The following KCNQ4 variants were observed in gnomAD, a reference collection of about 807,000 sequenced individuals.
KCNQ4 encodes potassium voltage-gated channel subfamily Q member 4.
KCNQ4 carries 31 observed loss-of-function variants against 72.6 expected under a neutral mutation model. The observed-to-expected ratio is 0.43, with a 90% CI of 0.32 to 0.58. The LOEUF (loss-of-function observed/expected upper bound fraction) is 0.58. Ranked by LOEUF, KCNQ4 falls within the 20% of genes least tolerant of loss-of-function variation. The pLI, the probability that KCNQ4 is intolerant of heterozygous loss-of-function variation, is 0.08. For missense variants in KCNQ4, 869 were observed against 962.6 expected (o/e 0.90, Z 1.29); for synonymous variants, 405 against 403.7 (o/e 1.00, Z -0.04).
intron 3 of KCNQ4, 80 bp from the exon 4 acceptor site, chr1:40,818,425 G>T: frequency 6.4e-7 from 1 of 1,555,744 alleles, no homozygotes; most frequent in East Asian, 2.2e-5. Flanking sequence ...CCAGTCCCCT[G>T]CCACATCCCC....
intron 8 of KCNQ4, among the ~76,000 whole-genome samples, chr1:40,823,247 G>A (rs1648363242): frequency 1.3e-5 from 2 of 152,218 alleles, no homozygotes; most frequent in African/African-American, 4.8e-5. Context: ...AGAAGGGGCC[G>A]GGAAGAGGGG....
chr1:40,818,062 C>A (rs900543684), intron 2 of KCNQ4, 102 bp from the exon 3 acceptor site: 4 of 1,501,958 alleles, frequency 2.7e-6, no homozygotes, highest in African/African-American at 2.8e-5. Context: ...TCCGAGGAGG[C>A]CCTGGTCCCC....
Position 40,813,100 on chromosome 1 carries a change from AGT to A in KCNQ4, c.315-4163_315-4162del, listed in dbSNP as rs535896183. ...CAGGACTGGCAAGGAGGCCAGAATA[AGT>A]GGGGTGCAGTGAGCCAGCAGGAGAG... On this transcript the variant is annotated intron_variant, in intron 1 of 13. Transcript: ENST00000347132. Among the ~76,000 whole-genome samples the A allele has an allele frequency of 1.2e-4, 18 of 152,328 alleles. No homozygotes were observed. The South Asian group carries it at 3.1e-3, about 26-fold the overall frequency.
At chr1:40,803,567 A>G (rs6675976) in intron 1 of KCNQ4, among the ~76,000 whole-genome samples, 70,384 of 152,076 alleles carry the variant, frequency 0.46, 17,413 homozygotes, top group African/African-American at 0.65. Context: ...GTATCTGCAG[A>G]TGTCCTCCCA....
At position 40,812,297 on chromosome 1, in the gene KCNQ4, C is replaced by A. The variant is rs1362795075; in HGVS notation, c.315-4968C>A. Among the ~76,000 whole-genome samples the A allele has an allele frequency of 2.0e-5, 3 of 152,160 alleles. No homozygotes were observed. The East Asian group carries it at 5.8e-4, about 29-fold the overall frequency. On this transcript the variant is annotated intron_variant, in intron 1 of 13. Coordinates refer to ENST00000347132, the MANE Select transcript of KCNQ4 (RefSeq NM_004700.4). The stretch of plus-strand genomic sequence containing the variant: ...TGAGATACAGAGTCTGGCTCTGTCC[C>A]CCAAGCTAGAATGCAGTGGCGAGAT...
At chr1:40,813,234 G>A (rs1244562710) in intron 1 of KCNQ4, among the ~76,000 whole-genome samples, 2 of 152,200 alleles carry the variant, frequency 1.3e-5, no homozygotes, top group African/African-American at 4.8e-5. Flanking sequence ...ATGGAAGTCC[G>A]ACGAGAGTTT....
intron 1 of KCNQ4, among the ~76,000 whole-genome samples, chr1:40,800,743 G>C (rs995785354): frequency 6.6e-6 from 1 of 152,202 alleles, no homozygotes; most frequent in Non-Finnish European, 1.5e-5. Flanking sequence ...TGCCCTAGAG[G>C]GATGGATCTC....
intron 1 of KCNQ4, among the ~76,000 whole-genome samples, chr1:40,811,828 T>C (rs764615950): frequency 1.3e-5 from 2 of 152,206 alleles, no homozygotes; most frequent in Non-Finnish European, 2.9e-5. Context: ...AAGTGGCCGC[T>C]AGTCTGGCCT....
Position 40,831,225 on chromosome 1 carries a change from G to T in KCNQ4, c.1434G>T (p.Lys478Asn). Reference sequence around the variant, plus strand: ...TGGGTGAGGCCACCAGCCCCACCAAGGTGCAAAAGAGCTGGAGCTTCAATG... The same window carrying T: ...TGGGTGAGGCCACCAGCCCCACCAATGTGCAAAAGAGCTGGAGCTTCAATG... ...EQVGEATSPT[K>N]VQKSWSFNDR... Residue 478 changes from lysine to asparagine, a missense_variant, in exon 10 of 14, where the codon AAG becomes AAT. By Grantham distance (94) the Lys-to-Asn change is moderately conservative (BLOSUM62 0). Around this residue, in one of 5 missense-constraint regions of KCNQ4, gnomAD observed 480 missense variants for 501.9 expected, o/e 0.96. Transcript: ENST00000347132. The T allele has an allele frequency of 6.2e-7, 1 of 1,609,804 alleles. No individual in the cohort carries two copies. The highest frequency in any genetic ancestry group is 1.3e-5 in the African/African-American group (1 of 74,982).
intron 11 of KCNQ4, among the ~76,000 whole-genome samples, chr1:40,834,759 C>T (rs934716828): frequency 8.6e-5 from 13 of 151,900 alleles, no homozygotes; most frequent in African/African-American, 1.5e-4. Context: ...TCCTCCACCC[C>T]GGCTGGTTGA....
rs1002376156 is a variant in KCNQ4 at position 40,784,948 on chromosome 1, C to T, written c.314+541C>T. Reference sequence around the variant, plus strand: ...TGGGTGTGTGGGGGTCCCTGTGGGCCCCCTGGGCCCTGACACTCGCATATG... The same window carrying T: ...TGGGTGTGTGGGGGTCCCTGTGGGCTCCCTGGGCCCTGACACTCGCATATG... On this transcript the variant is annotated intron_variant, in intron 1 of 13. Transcript: ENST00000347132. The surrounding 1 kb of genome is among the most constrained non-coding windows in gnomAD (Gnocchi z 4.1). 6.6e-6 allele frequency among the ~76,000 whole-genome samples: 1 copy of T among 152,210 alleles called. No homozygotes were observed. Among genetic ancestry groups the T allele is most frequent in the Non-Finnish European group, 1.5e-5 (1 of 68,038 alleles).
intron 1 of KCNQ4, among the ~76,000 whole-genome samples, chr1:40,797,669 A>G (rs1408182131): frequency 6.6e-6 from 1 of 152,110 alleles, no homozygotes; most frequent in Non-Finnish European, 1.5e-5. Flanking sequence ...TGGGGATGCT[A>G]CCAACTTGTC....
chr1:40,832,946 C>T (rs1648694164), intron 10 of KCNQ4, 68 bp from the exon 11 acceptor site: 2 of 1,152,264 alleles, frequency 1.7e-6, no homozygotes, highest in Non-Finnish European at 2.6e-6. Context: ...GTTTGGCATA[C>T]AAGGGTCGGA....
At chr1:40,815,117 G>A (rs1648044035) in intron 1 of KCNQ4, among the ~76,000 whole-genome samples, 1 of 151,862 alleles carries the variant, frequency 6.6e-6, no homozygotes. Context: ...GCATGTGCCT[G>A]TAGCCCCAGC....
chr1:40,814,277 C>T lies in KCNQ4; in HGVS notation c.315-2988C>T, dbSNP rs145040275. Among the ~76,000 whole-genome samples, 1,158 of 149,596 alleles carry T rather than the reference C, an allele frequency of 7.7e-3. 24 individuals carry two copies. Among genetic ancestry groups the T allele is most frequent in the African/African-American group, 0.026 (1,038 of 40,514 alleles). On this transcript the variant is annotated intron_variant, in intron 1 of 13. Coordinates refer to ENST00000347132, the MANE Select transcript of KCNQ4 (RefSeq NM_004700.4). ...CGATGTTGGCCAGGCTGGTCTGTAA[C>T]TCCTGACCTCAGGCTATCCACCCAC...
At position 40,823,939 on chromosome 1, in the gene KCNQ4, C is replaced by A. The variant is rs187188886; in HGVS notation, c.1131-158C>A. 2.1e-3 allele frequency among the ~76,000 whole-genome samples: 316 copies of A among 152,362 alleles called. 1 individual carries two copies. The highest frequency in any genetic ancestry group is 7.3e-3 in the African/African-American group (304 of 41,586). On this transcript the variant is annotated intron_variant, in intron 8 of 13. Coordinates refer to ENST00000347132, the MANE Select transcript of KCNQ4 (RefSeq NM_004700.4). ...TAGAAAGGGAGTGGGGAAGGCCAGT[C>A]TCCCACTGTCCACCCTGTCCTATTC... is the stretch of plus-strand genomic sequence containing the variant.
intron 8 of KCNQ4, among the ~76,000 whole-genome samples, 174 bp from the exon 9 acceptor site, chr1:40,823,923 A>G (rs1648391507): frequency 6.6e-6 from 1 of 152,102 alleles, no homozygotes; most frequent in Non-Finnish European, 1.5e-5. Flanking sequence ...GTAGAAAGGG[A>G]GTGGGGAAGG....
intron 12 of KCNQ4, among the ~76,000 whole-genome samples, chr1:40,837,069 A>ATCTTT (rs143786917): frequency 0.11 from 16,312 of 143,582 alleles, 1,233 homozygotes; most frequent in African/African-American, 0.19. Context: ...TCCCCAATCC[A>ATCTTT]TCTTTTCTTT....
chr1:40,809,973 G>A (rs1269846714), intron 1 of KCNQ4, among the ~76,000 whole-genome samples: 1 of 151,984 alleles, frequency 6.6e-6, no homozygotes, highest in Non-Finnish European at 1.5e-5. Context: ...GCTGAGGCAC[G>A]AGAATCTCTT....
Sources: allele counts gnomAD v4.1 joint callset (sites outside exome capture counted in the v4.1 genomes callset), GRCh38; gene constraint gnomAD v4.1.1; regional missense constraint gnomAD v4.1.1; non-coding constraint Gnocchi (gnomAD v3.1); transcripts MANE v1.5; gene names NCBI Gene and HGNC (gene_info 2026-07-23, HGNC 2026-07-21).